Variants in CCDC141 observed in about 807,000 individuals in gnomAD.
The protein encoded by CCDC141 is coiled-coil domain-containing protein 141.
CCDC141 carries 168 observed loss-of-function variants against 181.0 expected under a neutral mutation model. The observed-to-expected ratio is 0.93, with a 90% CI of 0.82 to 1.05. CCDC141 has a LOEUF of 1.05. CCDC141 is among the 50% of genes least tolerant of loss of function. The probability of loss-of-function intolerance (pLI) is 0.00; values close to 1 mark genes in which losing one functional copy is unlikely to be tolerated. For synonymous variants in CCDC141, 666 were observed against 642.3 expected, an observed-to-expected ratio of 1.04 and a Z score of -0.56; for missense variants, 1,902 against 1,788.5, an observed-to-expected ratio of 1.06 and a Z score of -1.14.
At chr2:179,025,819 T>C (rs1453545492) in intron 2 of CCDC141, among the ~76,000 whole-genome samples, 5 of 152,206 alleles carry the variant, frequency 3.3e-5, no homozygotes. Context: ...GCCACAGTGA[T>C]ATGGACAATA....
intron 2 of CCDC141, among the ~76,000 whole-genome samples, chr2:179,015,589 CAT>C (rs1382171063): frequency 4.7e-5 from 1 of 21,126 alleles, no homozygotes; most frequent in African/African-American, 1.2e-4. Flanking sequence ...ATATATATCT[CAT>C]ATGTATCTCA....
At chr2:178,852,071 T>C (rs1470491492) in intron 20 of CCDC141, among the ~76,000 whole-genome samples, 1 of 152,194 alleles carries the variant, frequency 6.6e-6, no homozygotes, top group African/African-American at 2.4e-5. Flanking sequence ...GTATGTGCCA[T>C]TAGACAGTGA....
intron 17 of CCDC141, among the ~76,000 whole-genome samples, chr2:178,858,927 T>C (rs949638193): frequency 4.6e-5 from 7 of 152,198 alleles, no homozygotes; most frequent in Admixed American, 2.0e-4. Context: ...TGAGATTTAA[T>C]ACTTTAATTC....
chr2:178,914,395 C>A (rs1688350686), intron 7 of CCDC141, among the ~76,000 whole-genome samples: 1 of 152,192 alleles, frequency 6.6e-6, no homozygotes, highest in Admixed American at 6.5e-5. Context: ...CCACTTGAAT[C>A]CAGTGGTTGG....
In CCDC141 at chr2:178,835,466, T is replaced by C. The variant is rs188683000; in HGVS notation, c.4326-1026A>G. 2.0e-3 allele frequency among the ~76,000 whole-genome samples: 312 copies of C among 152,374 alleles called. 8 individuals carry two copies. In the South Asian group the frequency reaches 0.024, roughly 12 times the overall value. On this transcript the variant is annotated intron_variant, in intron 23 of 23. Coordinates refer to ENST00000443758, the MANE Select transcript of CCDC141 (RefSeq NM_173648.4). ...TCTGAGATTCTTGTTTATTTATTTCTACCCACAATCTATCACTCAGGGGTG... is the reference window on the plus strand; with the variant it reads ...TCTGAGATTCTTGTTTATTTATTTCCACCCACAATCTATCACTCAGGGGTG...
intron 4 of CCDC141, among the ~76,000 whole-genome samples, chr2:178,971,232 A>T (rs530491941): frequency 8.0e-4 from 122 of 152,030 alleles, no homozygotes; most frequent in Non-Finnish European, 6.9e-4. Context: ...TTATAAGAAA[A>T]AAACAACCCC....
intron 2 of CCDC141, among the ~76,000 whole-genome samples, chr2:178,980,316 G>T (rs974782108): frequency 7.2e-5 from 11 of 152,212 alleles, no homozygotes; most frequent in African/African-American, 2.6e-4. Context: ...TGGGCCTGGT[G>T]GTGGGCGCCT....
At position 178,834,076 on chromosome 2, in the gene CCDC141, C is replaced by G; in HGVS notation, c.*97G>C. 1 of 1,238,884 alleles carries G rather than the reference C, an allele frequency of 8.1e-7. No individual in the cohort carries two copies. The allele number at this position is 1,238,884 out of a possible 1,614,324, so 76.7% of individuals were successfully genotyped here. On this transcript the variant is annotated 3_prime_UTR_variant, in exon 24 of 24. Transcript: ENST00000443758. ...GTATGGTGATCAGACTGGAGATACA[C>G]TTGGTGGGAGATGCTTTGCAGGAGG...
chr2:178,879,328 G>C (rs1157296717), intron 11 of CCDC141, among the ~76,000 whole-genome samples: 1 of 152,140 alleles, frequency 6.6e-6, no homozygotes, highest in Non-Finnish European at 1.5e-5. Context: ...TTCAGGCAAT[G>C]GTTAGTCACT....
At chr2:178,930,246 T>C (rs1358257563) in intron 6 of CCDC141, among the ~76,000 whole-genome samples, 1 of 151,998 alleles carries the variant, frequency 6.6e-6, no homozygotes, top group Non-Finnish European at 1.5e-5. Context: ...TAGGAATAAA[T>C]TTAATCAAGG....
chr2:178,902,364 G>A (rs1169997939), intron 8 of CCDC141, among the ~76,000 whole-genome samples: 8 of 152,156 alleles, frequency 5.3e-5, no homozygotes, highest in African/African-American at 1.9e-4. Flanking sequence ...TATACTACAA[G>A]TCTACAGTAA....
At chr2:179,042,831 C>A (rs1450820886) in intron 2 of CCDC141, among the ~76,000 whole-genome samples, 1 of 152,124 alleles carries the variant, frequency 6.6e-6, no homozygotes, top group African/African-American at 2.4e-5. Context: ...AAACAACCCA[C>A]TTAAGCTGGC....
intron 2 of CCDC141, among the ~76,000 whole-genome samples, chr2:178,991,344 C>A (rs951416372): frequency 6.6e-6 from 1 of 152,096 alleles, no homozygotes. Context: ...ACTTTTCACA[C>A]GCAGCACTGT....
At chr2:178,993,933 A>C (rs78952034) in intron 2 of CCDC141, among the ~76,000 whole-genome samples, 1 of 152,150 alleles carries the variant, frequency 6.6e-6, no homozygotes, top group South Asian at 2.1e-4. Context: ...CCATGTCTCA[A>C]ATCTGGGTCA....
intron 8 of CCDC141, 27 bp from the exon 9 acceptor site, chr2:178,888,695 T>A: frequency 6.5e-7 from 1 of 1,549,962 alleles, no homozygotes; most frequent in Middle Eastern, 1.7e-4. Context: ...AGCTGTTAAT[T>A]CACTCCACCC....
At chr2:179,046,219 T>G (rs931592817) in intron 2 of CCDC141, among the ~76,000 whole-genome samples, 1 of 152,246 alleles carries the variant, frequency 6.6e-6, no homozygotes, top group Non-Finnish European at 1.5e-5. Context: ...ATATTTCATT[T>G]GTCTATGAGC....
chr2:178,868,210 A>G lies in CCDC141; in HGVS notation c.2395-5T>C. ...TGATTTGATGAGACGTCCCAGCTAC[A>G]ATTTAGGGCATTAACAATTAACCTG... On this transcript the variant is annotated splice_region_variant and splice_polypyrimidine_tract_variant and intron_variant, in intron 15 of 23. Transcript: ENST00000443758. 6.2e-7 allele frequency: 1 copy of G among 1,601,222 alleles called. No homozygotes were observed. Among genetic ancestry groups the G allele is most frequent in the East Asian group, 2.2e-5 (1 of 44,474 alleles).
At chr2:178,981,396 A>C (rs1030953551) in intron 2 of CCDC141, among the ~76,000 whole-genome samples, 2 of 151,062 alleles carry the variant, frequency 1.3e-5, no homozygotes, top group African/African-American at 2.4e-5. Flanking sequence ...ATACGAATAT[A>C]CTCTCAGACC....
chr2:179,048,685 A>G (rs1368168166), intron 1 of CCDC141, among the ~76,000 whole-genome samples: 1 of 152,054 alleles, frequency 6.6e-6, no homozygotes, highest in African/African-American at 2.4e-5. Flanking sequence ...GCTTCTTTTC[A>G]TCTCCTCTCT....
Sources: allele counts gnomAD v4.1 joint callset (sites outside exome capture counted in the v4.1 genomes callset), GRCh38; gene constraint gnomAD v4.1.1; transcripts MANE v1.5; gene names NCBI Gene and HGNC (gene_info 2026-07-23, HGNC 2026-07-21).